Variants in ESRRG observed in about 807,000 individuals in gnomAD.
ESRRG encodes the protein estrogen related receptor gamma, also known as estrogen-related receptor gamma.
In ESRRG, 13 loss-of-function variants were observed where a neutral mutation model predicts 44.0. The ratio of observed to expected loss-of-function variants is 0.30; its 90% CI spans 0.19 to 0.47. The LOEUF (loss-of-function observed/expected upper bound fraction) is 0.47. ESRRG is among the 20% of genes least tolerant of loss of function. The probability of loss-of-function intolerance (pLI) is 1.00; values close to 1 mark genes in which losing one functional copy is unlikely to be tolerated. For synonymous variants in ESRRG, 215 were observed against 214.6 expected (o/e 1.00, Z -0.02); for missense variants, 395 against 580.6 (o/e 0.68, Z 3.29).
intron 5 of ESRRG, among the ~76,000 whole-genome samples, chr1:216,552,099 A>G (rs557701002): frequency 1.3e-5 from 2 of 152,166 alleles, no homozygotes; most frequent in East Asian, 3.9e-4. Flanking sequence ...TATTGTTTAT[A>G]CTTTGTGATA....
chr1:216,617,495 G>A (rs2150403576), intron 3 of ESRRG, among the ~76,000 whole-genome samples: 1 of 131,146 alleles, frequency 7.6e-6, no homozygotes, highest in East Asian at 2.0e-4. Flanking sequence ...ATTGCTGCTT[G>A]GCCTTTAGAA....
intron 1 of ESRRG, among the ~76,000 whole-genome samples, chr1:216,714,920 C>T (rs1015150901): frequency 1.6e-4 from 25 of 152,226 alleles, no homozygotes; most frequent in African/African-American, 5.1e-4. Context: ...TAAGAGAAAT[C>T]GGAAATCTAC....
intron 1 of ESRRG, among the ~76,000 whole-genome samples, chr1:217,041,537 A>T (rs2083868089): frequency 6.6e-6 from 1 of 152,228 alleles, no homozygotes; most frequent in Non-Finnish European, 1.5e-5. Flanking sequence ...GTATGACAGT[A>T]AAGAAGCTAG....
intron 2 of ESRRG, among the ~76,000 whole-genome samples, chr1:216,767,145 T>C (rs1400638702): frequency 6.6e-6 from 1 of 152,076 alleles, no homozygotes; most frequent in Non-Finnish European, 1.5e-5. Flanking sequence ...GTGTTCTTTT[T>C]TATTTGTCTC....
intron 3 of ESRRG, among the ~76,000 whole-genome samples, chr1:216,574,646 A>C (rs554334166): frequency 6.6e-6 from 1 of 152,302 alleles, no homozygotes; most frequent in East Asian, 1.9e-4. Flanking sequence ...CTTGCTGAAA[A>C]GCATTAATTT....
intron 2 of ESRRG, among the ~76,000 whole-genome samples, chr1:216,830,130 G>A (rs1320811261): frequency 6.6e-6 from 1 of 152,136 alleles, no homozygotes; most frequent in Non-Finnish European, 1.5e-5. Flanking sequence ...GGTGCCATTA[G>A]GGCCAGGCTC....
At chr1:216,551,124 T>C (rs2056204495) in intron 5 of ESRRG, among the ~76,000 whole-genome samples, 1 of 152,176 alleles carries the variant, frequency 6.6e-6, no homozygotes, top group African/African-American at 2.4e-5. Context: ...ACAACAGTCT[T>C]GAAATAAAAT....
chr1:216,530,160 CCATGGTTGCTT>C (rs2048919448), intron 5 of ESRRG, among the ~76,000 whole-genome samples: 1 of 148,186 alleles, frequency 6.7e-6, no homozygotes, highest in South Asian at 2.1e-4. Flanking sequence ...ATAGTAACTG[CCATGGTTGCTT>C]CATTTCTGTT....
intron 1 of ESRRG, among the ~76,000 whole-genome samples, chr1:217,037,879 T>G (rs1354310595): frequency 6.6e-6 from 1 of 152,150 alleles, no homozygotes; most frequent in African/African-American, 2.4e-5. Context: ...ACAGGCCCCA[T>G]GCAAGTCCGA....
At chr1:216,837,997 G>C (rs961532616) in intron 2 of ESRRG, among the ~76,000 whole-genome samples, 3 of 152,110 alleles carry the variant, frequency 2.0e-5, no homozygotes. Context: ...CCACAGCCTA[G>C]GTTTGGGAGA....
At chr1:217,050,656 G>A (rs11572411) in intron 1 of ESRRG, among the ~76,000 whole-genome samples, 1,609 of 152,180 alleles carry the variant, frequency 0.011, 12 homozygotes, top group Non-Finnish European at 0.016. Context: ...GAGAAAGCTC[G>A]GGCCATCCTC....
chr1:217,046,757 C>A (rs973540986), intron 1 of ESRRG, among the ~76,000 whole-genome samples: 4 of 151,986 alleles, frequency 2.6e-5, no homozygotes, highest in African/African-American at 9.7e-5. Context: ...GTGGTATGCA[C>A]CTGTAGTCCC....
chr1:216,750,769 A>ATTTTT (rs1349093774), intron 2 of ESRRG, among the ~76,000 whole-genome samples: 3 of 139,504 alleles, frequency 2.2e-5, no homozygotes, highest in African/African-American at 5.2e-5. Context: ...CCTTTTTTTA[A>ATTTTT]AAAAAAACTC....
At chr1:216,838,392 G>C (rs1459417047) in intron 2 of ESRRG, among the ~76,000 whole-genome samples, 2 of 152,110 alleles carry the variant, frequency 1.3e-5, no homozygotes, top group Non-Finnish European at 2.9e-5. Flanking sequence ...TTACAAATTT[G>C]TCATTTTTCC....
chr1:216,929,656 T>C (rs1448934886), intron 2 of ESRRG, among the ~76,000 whole-genome samples: 3 of 152,104 alleles, frequency 2.0e-5, no homozygotes, highest in African/African-American at 4.8e-5. Context: ...TGGTTTGGCT[T>C]TGCAGGAGTT....
intron 2 of ESRRG, among the ~76,000 whole-genome samples, chr1:216,759,184 T>A (rs1559528786): frequency 6.6e-6 from 1 of 152,130 alleles, no homozygotes; most frequent in Non-Finnish European, 1.5e-5. Context: ...CTCTGCCAGA[T>A]AATGTGCCCC....
At chr1:216,834,439 C>T (rs143701746) in intron 2 of ESRRG, among the ~76,000 whole-genome samples, 24 of 152,086 alleles carry the variant, frequency 1.6e-4, no homozygotes, top group African/African-American at 5.8e-4. Flanking sequence ...AAAAAATCAA[C>T]ATAACTCTAC....
At chr1:216,626,432 G>A (rs950330489) in intron 3 of ESRRG, among the ~76,000 whole-genome samples, 2 of 152,112 alleles carry the variant, frequency 1.3e-5, no homozygotes, top group African/African-American at 4.8e-5. Flanking sequence ...AGTTTCATCT[G>A]CAGTCCAGAT....
chr1:217,067,344 A>G lies in ESRRG; in HGVS notation c.-106+22163T>C, dbSNP rs76491479. On this transcript the variant is annotated intron_variant, in intron 1 of 7. Coordinates refer to the ESRRG transcript ENST00000359162. ...GGAGGGAAATACAGAGTCAACTCGA[A>G]TGTACAAACAACACTAAGGTAAACC... 8.8e-3 allele frequency among the ~76,000 whole-genome samples: 1,344 copies of G among 152,362 alleles called. 23 individuals carry two copies. The highest frequency in any genetic ancestry group is 0.03 in the African/African-American group (1,263 of 41,578).
Sources: gnomAD v4.1 joint callset for allele counts (sites outside exome capture counted in the v4.1 genomes callset) on GRCh38, gnomAD v4.1.1 for gene constraint, MANE v1.5 for transcripts, NCBI Gene and HGNC (gene_info 2026-07-23, HGNC 2026-07-21) for gene names.